DCC: variants seen among roughly 807,000 people sequenced by gnomAD.
DCC encodes netrin receptor DCC.
A neutral mutation model predicts 172.5 loss-of-function variants in DCC; 58 were observed. That is an observed-to-expected ratio of 0.34 (90% confidence interval 0.27 to 0.42). The LOEUF (loss-of-function observed/expected upper bound fraction) is 0.42, where lower values mean the gene tolerates loss of function less well. Ranked by LOEUF, DCC falls within the 10% of genes least tolerant of loss-of-function variation. DCC has a pLI of 1.00. For synonymous variants in DCC, 709 were observed against 644.5 expected (o/e 1.10, Z -1.52); for missense variants, 1,740 against 1,791.0 (o/e 0.97, Z 0.51).
At chr18:52,482,521 G>A (rs532736612) in intron 1 of DCC, among the ~76,000 whole-genome samples, 15 of 152,134 alleles carry the variant, frequency 9.9e-5, no homozygotes, top group Non-Finnish European at 1.9e-4. Flanking sequence ...TCTGATGAGA[G>A]CTGTTTCTGT....
At chr18:53,354,233 G>A (rs1297998566) in intron 15 of DCC, among the ~76,000 whole-genome samples, 1 of 152,180 alleles carries the variant, frequency 6.6e-6, no homozygotes, top group African/African-American at 2.4e-5. Context: ...ACGTGTGCAT[G>A]TGTCTTTATA....
chr18:52,374,961 C>T (rs1251843937), intron 1 of DCC, among the ~76,000 whole-genome samples: 3 of 152,160 alleles, frequency 2.0e-5, no homozygotes, highest in African/African-American at 7.2e-5. Flanking sequence ...TGTCCAATGC[C>T]ATGTCACTGA....
At chr18:52,885,715 C>T (rs1248674877) in intron 2 of DCC, among the ~76,000 whole-genome samples, 2 of 152,090 alleles carry the variant, frequency 1.3e-5, no homozygotes, top group Non-Finnish European at 1.5e-5. Flanking sequence ...CCTCTGCTTT[C>T]CTCAAACAGA....
chr18:52,901,620 G>A (rs969986253), intron 2 of DCC, among the ~76,000 whole-genome samples: 3 of 152,074 alleles, frequency 2.0e-5, no homozygotes, highest in Admixed American at 2.0e-4. Flanking sequence ...CGTTCCCAAA[G>A]TCCTCTAGCT....
rs1350077407 is a variant in DCC at position 53,459,437 on chromosome 18, A to AGTTGGT, written c.3599_3600insTTGGTG (p.Ser1200_Lys1201insTrpCys). ...CAGCCAGTCAGAAACCCAACTGGGA[A>AGTTGGT]GCAAAAGCACCTCTCATTCAGGTAA... On this transcript the variant is annotated inframe_insertion, in exon 24 of 29. Coordinates refer to ENST00000442544, the MANE Select transcript of DCC (RefSeq NM_005215.4). The AGTTGGT allele has an allele frequency of 6.2e-7, 1 of 1,611,578 alleles. No individual in the cohort carries two copies. The highest frequency in any genetic ancestry group is 8.5e-7 in the Non-Finnish European group (1 of 1,177,798).
chr18:52,905,170 A>G (rs1229273632), intron 2 of DCC, among the ~76,000 whole-genome samples: 1 of 150,326 alleles, frequency 6.7e-6, no homozygotes, highest in Non-Finnish European at 1.5e-5. Flanking sequence ...TGTAATGGCC[A>G]GTTTATTTGT....
At chr18:52,868,053 A>ATATGTG (rs61579666) in intron 2 of DCC, among the ~76,000 whole-genome samples, 250 of 144,342 alleles carry the variant, frequency 1.7e-3, no homozygotes, top group African/African-American at 6.0e-3. Flanking sequence ...ATATATATAT[A>ATATGTG]TGTGTGTGTG....
chr18:53,261,691 T>G (rs1264943141), intron 12 of DCC, among the ~76,000 whole-genome samples: 8 of 152,268 alleles, frequency 5.3e-5, no homozygotes, highest in Non-Finnish European at 1.2e-4. Context: ...TTTTGTATTT[T>G]TAGTAGAGAT....
chr18:53,279,737 T>A (rs1334416859), intron 12 of DCC, among the ~76,000 whole-genome samples: 2 of 151,350 alleles, frequency 1.3e-5, no homozygotes, highest in Non-Finnish European at 2.9e-5. Flanking sequence ...ATATACACCA[T>A]GGAATACTAC....
At chr18:52,787,283 C>A (rs540668637) in intron 2 of DCC, among the ~76,000 whole-genome samples, 55 of 152,220 alleles carry the variant, frequency 3.6e-4, no homozygotes, top group African/African-American at 1.3e-3. Context: ...TTACAATCTT[C>A]AAAACTATTG....
intron 1 of DCC, among the ~76,000 whole-genome samples, chr18:52,729,302 C>T (rs2036599465): frequency 6.6e-6 from 1 of 152,090 alleles, no homozygotes; most frequent in Admixed American, 6.6e-5. Flanking sequence ...CTCTGTCACC[C>T]AGGCTGGAGT....
chr18:53,339,840 T>G lies in DCC; in HGVS notation c.2292T>G (p.Val764=). 1.2e-6 allele frequency: 2 copies of G among 1,613,988 alleles called. No homozygotes were observed. The highest frequency in any genetic ancestry group is 1.7e-6 in the Non-Finnish European group (2 of 1,179,954). Residue 764 remains valine, a synonymous_variant, in exon 15 of 29, where the codon GTT becomes GTG. Coordinates refer to ENST00000442544, the MANE Select transcript of DCC (RefSeq NM_005215.4). Reference sequence around the variant, plus strand: ...GAGGTTATATTATCGGTTATGGCGTTGGGAGCCCTTACGCTGAGACAGTGC... The same window carrying G: ...GAGGTTATATTATCGGTTATGGCGTGGGGAGCCCTTACGCTGAGACAGTGC... The part of the protein sequence containing the change: ...VVRGYIIGYG[V]GSPYAETVRV...
chr18:53,480,200 G>T (rs780606494), intron 25 of DCC, among the ~76,000 whole-genome samples: 30 of 152,178 alleles, frequency 2.0e-4, no homozygotes, highest in Non-Finnish European at 4.0e-4. Flanking sequence ...GATAGAAGGA[G>T]TATAGTAGGA....
At chr18:52,556,361 C>A (rs1197563472) in intron 1 of DCC, among the ~76,000 whole-genome samples, 1 of 152,036 alleles carries the variant, frequency 6.6e-6, no homozygotes, top group African/African-American at 2.4e-5. Context: ...ATGAAAATGT[C>A]TAAAAACATA....
chr18:52,797,890 A>G (rs2037907444), intron 2 of DCC, among the ~76,000 whole-genome samples: 1 of 152,214 alleles, frequency 6.6e-6, no homozygotes, highest in African/African-American at 2.4e-5. Context: ...CTCAAGCCGC[A>G]TAAAACACAT....
intron 15 of DCC, among the ~76,000 whole-genome samples, chr18:53,341,810 A>G (rs2057663270): frequency 1.3e-5 from 2 of 152,186 alleles, no homozygotes; most frequent in African/African-American, 4.8e-5. Context: ...TCATGCTGCA[A>G]ATAAATCACC....
At chr18:52,566,858 A>C (rs1312505413) in intron 1 of DCC, among the ~76,000 whole-genome samples, 2 of 152,160 alleles carry the variant, frequency 1.3e-5, no homozygotes, top group Non-Finnish European at 2.9e-5. Context: ...GATTCAACCT[A>C]GCTTGGATAC....
At chr18:53,366,134 G>T (rs2058002317) in intron 15 of DCC, among the ~76,000 whole-genome samples, 1 of 151,788 alleles carries the variant, frequency 6.6e-6, no homozygotes, top group Admixed American at 6.6e-5. Flanking sequence ...TTGGCTCACT[G>T]CAATCTCCGC....
chr18:53,081,480 A>G (rs1446345613), intron 7 of DCC, among the ~76,000 whole-genome samples: 2 of 152,038 alleles, frequency 1.3e-5, no homozygotes, highest in Non-Finnish European at 2.9e-5. Context: ...TCTATTGGGT[A>G]TCAGTGATAA....
Sources: gnomAD v4.1 joint callset for allele counts (sites outside exome capture counted in the v4.1 genomes callset) on GRCh38, gnomAD v4.1.1 for gene constraint, MANE v1.5 for transcripts, NCBI Gene and HGNC (gene_info 2026-07-23, HGNC 2026-07-21) for gene names.